GABRG2: variants seen among roughly 807,000 people sequenced by gnomAD.
The protein encoded by GABRG2 is gamma-aminobutyric acid type A receptor subunit gamma2, also known as gamma-aminobutyric acid receptor subunit gamma-2.
Under a neutral mutation model 56.4 loss-of-function variants are expected in GABRG2, and 16 were observed. The observed-to-expected ratio is 0.28, with a 90% CI of 0.19 to 0.43. The LOEUF (loss-of-function observed/expected upper bound fraction) is 0.43, where lower values mean the gene tolerates loss of function less well. GABRG2 is among the 20% of genes least tolerant of loss of function. The pLI is 1.00. For missense variants in GABRG2, 327 were observed against 582.7 expected, an observed-to-expected ratio of 0.56 and a Z score of 4.52; for synonymous variants, 208 against 205.5, an observed-to-expected ratio of 1.01 and a Z score of -0.10.
intron 9 of GABRG2, chr5:162,152,067 TACG>T (rs1337954341): frequency 3.4e-6 from 1 of 291,346 alleles, no homozygotes; most frequent in Non-Finnish European, 6.3e-6. Flanking sequence ...TCTTACTGAT[TACG>T]ACTACCAAGT....
intron 6 of GABRG2, among the ~76,000 whole-genome samples, chr5:162,130,942 T>A (rs1397625249): frequency 1.3e-5 from 2 of 151,922 alleles, no homozygotes; most frequent in Non-Finnish European, 2.9e-5. Flanking sequence ...ATGCCTTGAT[T>A]CAAGAGAGCT....
intron 1 of GABRG2, among the ~76,000 whole-genome samples, chr5:162,082,310 G>C (rs185505799): frequency 4.6e-5 from 7 of 151,642 alleles, no homozygotes; most frequent in Non-Finnish European, 8.9e-5. Flanking sequence ...TTTCATTAAG[G>C]CACTCTCATT....
chr5:162,142,818 G>A, intron 7 of GABRG2: 1 of 215,124 alleles, frequency 4.6e-6, no homozygotes. Flanking sequence ...GTTAATGGGT[G>A]CAGCACACCA....
chr5:162,109,389 A>AATATAT (rs535370579), intron 6 of GABRG2, among the ~76,000 whole-genome samples: 2,939 of 115,908 alleles, frequency 0.025, 57 homozygotes, highest in East Asian at 0.046. Context: ...CTTAAAGTAT[A>AATATAT]ATATATATAT....
intron 6 of GABRG2, among the ~76,000 whole-genome samples, chr5:162,127,797 T>C (rs1332246848): frequency 6.6e-6 from 1 of 151,992 alleles, no homozygotes; most frequent in Non-Finnish European, 1.5e-5. Flanking sequence ...ACAAAAAGAT[T>C]TGAGCATAGA....
intron 1 of GABRG2, among the ~76,000 whole-genome samples, chr5:162,087,484 T>TAA (rs1278710000): frequency 6.6e-6 from 1 of 152,072 alleles, no homozygotes; most frequent in Admixed American, 6.6e-5. Context: ...TTTCCTCTTT[T>TAA]AGAGAGAGCT....
At chr5:162,088,809 G>A (rs1760334743) in intron 1 of GABRG2, among the ~76,000 whole-genome samples, 1 of 152,028 alleles carries the variant, frequency 6.6e-6, no homozygotes, top group African/African-American at 2.4e-5. Flanking sequence ...GAATAATTAT[G>A]GGAATATCAG....
intron 6 of GABRG2, among the ~76,000 whole-genome samples, chr5:162,141,887 G>T (rs1037252154): frequency 6.6e-6 from 1 of 152,028 alleles, no homozygotes; most frequent in African/African-American, 2.4e-5. Context: ...AGGAAGAAAG[G>T]ACGTCAGAAA....
intron 1 of GABRG2, among the ~76,000 whole-genome samples, chr5:162,070,701 ATAGT>A (rs1758605104): frequency 6.6e-6 from 1 of 152,030 alleles, no homozygotes; most frequent in South Asian, 2.1e-4. Context: ...TATAAGTGAA[ATAGT>A]TAATTTCTGA....
At chr5:162,081,016 T>C (rs1250840014) in intron 1 of GABRG2, among the ~76,000 whole-genome samples, 1 of 152,124 alleles carries the variant, frequency 6.6e-6, no homozygotes, top group Non-Finnish European at 1.5e-5. Flanking sequence ...TGTGCATTAA[T>C]TGAATGTTTA....
At chr5:162,082,446 C>A (rs1247136486) in intron 1 of GABRG2, among the ~76,000 whole-genome samples, 1 of 151,874 alleles carries the variant, frequency 6.6e-6, no homozygotes, top group Non-Finnish European at 1.5e-5. Context: ...TGACGTAACA[C>A]ATGCTTAAAA....
rs138790541 is a variant in GABRG2, at chr5:162,086,809, A to G, written c.108-7019A>G. Among the ~76,000 whole-genome samples, 1,065 of 152,168 alleles carry G rather than the reference A, an allele frequency of 7.0e-3. 15 individuals carry two copies. The highest frequency in any genetic ancestry group is 0.024 in the African/African-American group (1,015 of 41,576). On this transcript the variant is annotated intron_variant, in intron 1 of 9. Coordinates refer to ENST00000639213, the MANE Select transcript of GABRG2 (RefSeq NM_198904.4). ...AATTTGAACTGTTGTACAATATTTC[A>G]TTATGTGCATAAGCCATATTTTATT...
intron 4 of GABRG2, among the ~76,000 whole-genome samples, chr5:162,100,710 A>G (rs1761350385): frequency 6.6e-6 from 1 of 152,158 alleles, no homozygotes; most frequent in Admixed American, 6.6e-5. Context: ...TCCTAGTGAC[A>G]GTGTAGTGTA....
intron 6 of GABRG2, among the ~76,000 whole-genome samples, chr5:162,132,879 A>G (rs1206243798): frequency 6.6e-6 from 1 of 152,060 alleles, no homozygotes; most frequent in Non-Finnish European, 1.5e-5. Context: ...CTATACAAAC[A>G]TTAAGTACAT....
At chr5:162,126,045 C>T (rs1332768423) in intron 6 of GABRG2, among the ~76,000 whole-genome samples, 4 of 151,874 alleles carry the variant, frequency 2.6e-5, no homozygotes, top group African/African-American at 9.7e-5. Context: ...ATACACCATC[C>T]ATCTAGAGAA....
At chr5:162,091,905 G>A (rs1161011447) in intron 1 of GABRG2, among the ~76,000 whole-genome samples, 2 of 152,066 alleles carry the variant, frequency 1.3e-5, no homozygotes, top group Non-Finnish European at 2.9e-5. Context: ...TGTGTCTTGA[G>A]AGAGAAAGAG....
intron 2 of GABRG2, 38 bp downstream of exon 2, chr5:162,094,017 G>A (rs1760813316): frequency 1.2e-6 from 2 of 1,604,276 alleles, no homozygotes; most frequent in Non-Finnish European, 1.7e-6. Context: ...ATAGATAGGA[G>A]CACATAAACA....
In GABRG2 at chr5:162,093,846, T is replaced by C; in HGVS notation, c.126T>C (p.Ser42=). 6.2e-7 allele frequency: 1 copy of C among 1,613,146 alleles called. No homozygotes were observed. The highest frequency in any genetic ancestry group is 8.5e-7 in the Non-Finnish European group (1 of 1,179,430). Residue 42 remains serine (S), a synonymous_variant, in exon 2 of 10, where the codon TCT becomes TCC. Transcript: ENST00000639213. ...TTCTTAGCTTCACTAGCCAGAAATCTGATGATGACTATGAAGATTATGCTT... is the reference window on the plus strand; with the variant it reads ...TTCTTAGCTTCACTAGCCAGAAATCCGATGATGACTATGAAGATTATGCTT... ...SLYPGFTSQK[S]DDDYEDYASN...
intron 8 of GABRG2, 194 bp from the exon 9 acceptor site, chr5:162,151,536 T>A: frequency 1.9e-6 from 1 of 522,098 alleles, no homozygotes; most frequent in Non-Finnish European, 3.3e-6. Context: ...ATTACAAAAT[T>A]ACACTTAACT....
Sources: allele counts gnomAD v4.1 joint callset (sites outside exome capture counted in the v4.1 genomes callset), GRCh38; gene constraint gnomAD v4.1.1; transcripts MANE v1.5; gene names NCBI Gene and HGNC (gene_info 2026-07-23, HGNC 2026-07-21).